The following GOLGA3 variants were observed in gnomAD, a reference collection of about 807,000 sequenced individuals.
GOLGA3 encodes the protein golgin A3.
A neutral mutation model predicts 169.4 loss-of-function variants in GOLGA3; 75 were observed. That is an observed-to-expected ratio of 0.44 (90% CI 0.37 to 0.54). The LOEUF is 0.54. Among genes scored for constraint, GOLGA3 ranks in the 20% least tolerant of loss-of-function variants. GOLGA3 has a pLI of 0.00. For synonymous variants in GOLGA3, 824 were observed against 822.4 expected (o/e 1.00, Z -0.03); for missense variants, 1,899 against 1,930.0 (o/e 0.98, Z 0.30).
chr12:132,782,384 T>G lies in GOLGA3; in HGVS notation c.3377A>C (p.Gln1126Pro). 2.5e-6 allele frequency: 4 copies of G among 1,614,268 alleles called. No homozygotes were observed. Among genetic ancestry groups the G allele is most frequent in the Non-Finnish European group, 3.4e-6 (4 of 1,180,036 alleles). ...GTGTTCCCGCAGAGCTGCGTTGGAC[T>G]GACCGAGGCCCGTAAGCTTCCCTTT... The part of the protein sequence containing the change: ...HEKGKLTGLG[Q>P]SNAALREHNS... Residue 1126 changes from glutamine (Q) to proline (P), a missense_variant, in exon 17 of 24, where the codon CAG becomes CCG. Gln to Pro is a moderately conservative substitution (Grantham distance 76). Transcript: ENST00000450791.
intron 2 of GOLGA3, among the ~76,000 whole-genome samples, chr12:132,818,121 T>C (rs1230620171): frequency 0.016 from 982 of 60,250 alleles, 1 homozygote; most frequent in African/African-American, 0.029. Flanking sequence ...CACTCCTCCA[T>C]GCTCTAAGGT....
intron 1 of GOLGA3, among the ~76,000 whole-genome samples, chr12:132,824,619 G>A (rs1221563036): frequency 6.6e-6 from 1 of 152,230 alleles, no homozygotes; most frequent in Non-Finnish European, 1.5e-5. Context: ...GCACAGAAGT[G>A]AAGGAAGTTA....
chr12:132,798,101 T>A (rs756305716), intron 9 of GOLGA3, among the ~76,000 whole-genome samples: 2 of 123,098 alleles, frequency 1.6e-5, no homozygotes, highest in Non-Finnish European at 3.2e-5. Context: ...GGATGAGGGG[T>A]GGGGGGGGTC....
At chr12:132,823,298 T>A (rs1341641045) in intron 1 of GOLGA3, among the ~76,000 whole-genome samples, 1 of 152,266 alleles carries the variant, frequency 6.6e-6, no homozygotes, top group Non-Finnish European at 1.5e-5. Context: ...GGTGATATTA[T>A]TAACTCATTT....
Position 132,786,362 on chromosome 12 carries a change from T to C in GOLGA3, c.3100A>G (p.Ser1034Gly). 1 of 1,606,440 alleles carries C rather than the reference T, an allele frequency of 6.2e-7. No individual in the cohort carries two copies. Among genetic ancestry groups the C allele is most frequent in the Non-Finnish European group, 8.5e-7 (1 of 1,175,596 alleles). The change falls in exon 15 of 24, where the codon AGT (serine) becomes GGT (glycine). Residue 1034 changes from serine to glycine, a missense_variant. Coordinates refer to ENST00000450791, the MANE Select transcript of GOLGA3 (RefSeq NM_001389683.1). ...ACATGTAGAGCCAGGCTGCTGTCACTGCTGCCACCCTGGGCTCGGAGCTGG... is the reference window on the plus strand; with the variant it reads ...ACATGTAGAGCCAGGCTGCTGTCACCGCTGCCACCCTGGGCTCGGAGCTGG... Reference protein sequence around the residue: ...LGQLRAQGGSSDSSLALHERI... With the variant: ...LGQLRAQGGSGDSSLALHERI...
intron 3 of GOLGA3, among the ~76,000 whole-genome samples, chr12:132,815,733 A>G (rs1949927419): frequency 6.6e-6 from 1 of 152,082 alleles, no homozygotes; most frequent in African/African-American, 2.4e-5. Context: ...CCGTTTCTAC[A>G]CACACAAAAA....
intron 21 of GOLGA3, among the ~76,000 whole-genome samples, 165 bp downstream of exon 21, chr12:132,776,469 C>T (rs1017471011): frequency 2.8e-5 from 4 of 144,804 alleles, no homozygotes; most frequent in African/African-American, 7.8e-5. Context: ...GCCTCACACA[C>T]AGGTACCCGC....
intron 9 of GOLGA3, 36 bp downstream of exon 9, chr12:132,798,304 T>C (rs1566105937): frequency 6.3e-7 from 1 of 1,578,428 alleles, no homozygotes; most frequent in Non-Finnish European, 8.6e-7. Context: ...CTGCGTCTGT[T>C]CTCCTAAGCT....
intron 6 of GOLGA3, among the ~76,000 whole-genome samples, chr12:132,805,840 C>T (rs539583339): frequency 3.3e-5 from 5 of 152,304 alleles, no homozygotes; most frequent in South Asian, 2.1e-4. Flanking sequence ...CACATGTATG[C>T]GCACACACAC....
At chr12:132,791,899 A>G in intron 11 of GOLGA3, among the ~76,000 whole-genome samples, 1 of 136,212 alleles carries the variant, frequency 7.3e-6, no homozygotes, top group Non-Finnish European at 1.6e-5. Context: ...GAGATGTTAC[A>G]CTGAGGGCTC....
rs897298073 is a variant in GOLGA3, at chr12:132,770,626, A to AT, written c.*2478dup. 6.6e-6 allele frequency: 1 copy of AT among 152,140 alleles called. No individual in the cohort carries two copies. Among genetic ancestry groups the AT allele is most frequent in the Non-Finnish European group, 1.5e-5 (1 of 68,028 alleles). The allele number at this position is 152,140 out of a possible 1,614,324, so 9.4% of individuals were successfully genotyped here. On this transcript the variant is annotated 3_prime_UTR_variant, in exon 24 of 24. Transcript: ENST00000450791. The stretch of plus-strand genomic sequence containing the variant: ...TGAATGTGTGATTTCTCGATTTTAG[A>AT]TTTTTTAAAATCATTTATTTATTTT...
intron 6 of GOLGA3, among the ~76,000 whole-genome samples, chr12:132,806,825 G>A (rs1156895835): frequency 6.6e-6 from 1 of 152,180 alleles, no homozygotes; most frequent in Non-Finnish European, 1.5e-5. Context: ...AGCACAATTA[G>A]TATCAGAAAA....
chr12:132,772,543 C>CATAAA lies in GOLGA3; in HGVS notation c.*561_*562insTTTAT, dbSNP rs2044949014. On this transcript the variant is annotated 3_prime_UTR_variant, in exon 24 of 24. Coordinates refer to ENST00000450791, the MANE Select transcript of GOLGA3 (RefSeq NM_001389683.1). ...TGGGCAACAAAGCGAGACTCTGTCTCAAAAAAAAAAAAAAAAAAAAAACAA... is the reference window on the plus strand; with the variant it reads ...TGGGCAACAAAGCGAGACTCTGTCTCATAAAAAAAAAAAAAAAAAAAAAAAAACAA... The CATAAA allele has an allele frequency of 1.2e-5, 1 of 86,162 alleles. No homozygotes were observed. The highest frequency in any genetic ancestry group is 2.1e-5 in the Non-Finnish European group (1 of 47,676). The allele number at this position is 86,162 out of a possible 1,614,324, so 5.3% of individuals were successfully genotyped here. A position where few individuals can be genotyped will look rare whatever the true frequency, so the allele number is the denominator to read the frequency against.
At position 132,776,651 on chromosome 12, in the gene GOLGA3, G is replaced by A. The variant is rs754246126; in HGVS notation, c.3961C>T (p.Leu1321=). The A allele has an allele frequency of 6.2e-7, 1 of 1,611,948 alleles. No homozygotes were observed. The highest frequency in any genetic ancestry group is 8.5e-7 in the Non-Finnish European group (1 of 1,179,000). Residue 1321 remains leucine, a synonymous_variant, in exon 21 of 24, where the codon CTA becomes TTA. Coordinates refer to ENST00000450791, the MANE Select transcript of GOLGA3 (RefSeq NM_001389683.1). ...ACAGGTACCTGCAGCAGCTGCTGTA[G>A]CCCTTCCAGTTCCTTCCTGCCCTGC... ...EQQGRKELEG[L]QQLLQNVKSE...
At position 132,782,875 on chromosome 12, in the gene GOLGA3, CAAAAAAAAAAAA is replaced by C. The variant is rs63295864; in HGVS notation, c.3268-394_3268-383del. Among the ~76,000 whole-genome samples, 38 of 102,146 alleles carry C rather than the reference CAAAAAAAAAAAA, an allele frequency of 3.7e-4. No homozygotes were observed. In the East Asian group the frequency reaches 0.01, roughly 28 times the overall value. 67.0% of individuals were successfully genotyped at this position (102,146 alleles called of 152,430 possible). A position where few individuals can be genotyped will look rare whatever the true frequency, so the allele number is the denominator to read the frequency against. ...TGGGCAACACAGCGAGACTCTGTCT[CAAAAAAAAAAAA>C]AAAAAGAAAAAGAAAAGAAAAGAAA... On this transcript the variant is annotated intron_variant, in intron 16 of 23. Coordinates refer to ENST00000450791, the MANE Select transcript of GOLGA3 (RefSeq NM_001389683.1).
At chr12:132,789,536 C>T (rs968460626) in intron 12 of GOLGA3, among the ~76,000 whole-genome samples, 8 of 152,202 alleles carry the variant, frequency 5.3e-5, no homozygotes, top group African/African-American at 1.9e-4. Context: ...GCCTCATAGA[C>T]GTCTCCTCTA....
chr12:132,808,870 G>C (rs770168122), intron 4 of GOLGA3, among the ~76,000 whole-genome samples: 5 of 152,168 alleles, frequency 3.3e-5, no homozygotes, highest in Non-Finnish European at 5.9e-5. Flanking sequence ...AGCCCCACAG[G>C]GTCAGTGGGT....
At position 132,779,850 on chromosome 12, in the gene GOLGA3, C is replaced by T. The variant is rs548259625; in HGVS notation, c.3582+948G>A. ...CACAGCCCTTGCACGGACACCCCCC[C>T]GCGCACATACACACACCTCAGGCAC... On this transcript the variant is annotated intron_variant, in intron 18 of 23. Coordinates refer to ENST00000450791, the MANE Select transcript of GOLGA3 (RefSeq NM_001389683.1). Among the ~76,000 whole-genome samples, 109 of 103,436 alleles carry T rather than the reference C, an allele frequency of 1.1e-3. 1 individual carries two copies. Among genetic ancestry groups the T allele is most frequent in the African/African-American group, 3.3e-3 (101 of 30,400 alleles). The allele number at this position is 103,436 out of a possible 152,430, so 67.9% of individuals were successfully genotyped here. A position where few individuals can be genotyped will look rare whatever the true frequency, so the allele number is the denominator to read the frequency against.
chr12:132,778,460 A>C (rs1593232316), intron 18 of GOLGA3, among the ~76,000 whole-genome samples: 1 of 150,718 alleles, frequency 6.6e-6, no homozygotes, highest in African/African-American at 2.5e-5. Flanking sequence ...AGTCCCAGCT[A>C]CTCAGGAGGC....
Sources: gnomAD v4.1 joint callset for allele counts (sites outside exome capture counted in the v4.1 genomes callset) on GRCh38, gnomAD v4.1.1 for gene constraint, MANE v1.5 for transcripts, NCBI Gene and HGNC (gene_info 2026-07-23, HGNC 2026-07-21) for gene names.